Variants in SHISA9 observed in about 807,000 individuals in gnomAD.
SHISA9 encodes the protein shisa family member 9.
SHISA9 carries 13 observed loss-of-function variants against 38.0 expected under a neutral mutation model. That is an observed-to-expected ratio of 0.34 (90% CI 0.22 to 0.54). The LOEUF (loss-of-function observed/expected upper bound fraction) is 0.54, where lower values mean the gene tolerates loss of function less well. SHISA9 is among the 20% of genes least tolerant of loss of function. The pLI is 0.91. For missense variants in SHISA9, 538 were observed against 575.8 expected (o/e 0.93, Z 0.67); for synonymous variants, 275 against 242.0 (o/e 1.14, Z -1.27).
chr16:13,106,705 C>A (rs2073928560), intron 2 of SHISA9, among the ~76,000 whole-genome samples: 1 of 152,032 alleles, frequency 6.6e-6, no homozygotes, highest in Admixed American at 6.6e-5. Flanking sequence ...CCTGGATGAG[C>A]CAATCTGTGC....
the SHISA9 span, among the ~76,000 whole-genome samples, chr16:13,512,403 C>A: frequency 1.3e-5 from 2 of 152,076 alleles, no homozygotes; most frequent in Non-Finnish European, 2.9e-5. Context: ...TAGATAGAAT[C>A]AATATCGTGA....
At chr16:13,198,080 G>T (rs1365671207) in intron 2 of SHISA9, among the ~76,000 whole-genome samples, 1 of 152,134 alleles carries the variant, frequency 6.6e-6, no homozygotes, top group African/African-American at 2.4e-5. Flanking sequence ...AGCTACTTGG[G>T]AGGCTGAGGC....
At chr16:13,167,948 A>G (rs988479827) in intron 2 of SHISA9, among the ~76,000 whole-genome samples, 4 of 151,888 alleles carry the variant, frequency 2.6e-5, no homozygotes, top group African/African-American at 9.7e-5. Flanking sequence ...AGGTCTTATT[A>G]CTCTTTCCAT....
At chr16:12,978,281 T>C (rs980222588) in intron 2 of SHISA9, among the ~76,000 whole-genome samples, 1 of 152,232 alleles carries the variant, frequency 6.6e-6, no homozygotes, top group African/African-American at 2.4e-5. Context: ...GAAATGAGCA[T>C]GACTTCTAGT....
intron 2 of SHISA9, among the ~76,000 whole-genome samples, chr16:13,025,454 C>T (rs903804664): frequency 6.6e-6 from 1 of 152,224 alleles, no homozygotes; most frequent in African/African-American, 2.4e-5. Context: ...TTTGGAGGAA[C>T]TCCTGGATCC....
the SHISA9 span, among the ~76,000 whole-genome samples, chr16:13,280,109 CTCTT>C: frequency 7.6e-6 from 1 of 131,076 alleles, no homozygotes; most frequent in Non-Finnish European, 1.6e-5. Flanking sequence ...TATCTTCTCT[CTCTT>C]TCTCTTTTTT....
intron 2 of SHISA9, among the ~76,000 whole-genome samples, chr16:13,035,534 A>G (rs1376853724): frequency 4.8e-5 from 3 of 62,682 alleles, no homozygotes; most frequent in East Asian, 3.1e-4. Context: ...TGTAATTTTC[A>G]GCTTTTTTTT....
chr16:13,001,569 A>T (rs1450901167), intron 2 of SHISA9, among the ~76,000 whole-genome samples: 1 of 152,236 alleles, frequency 6.6e-6, no homozygotes, highest in Non-Finnish European at 1.5e-5. Context: ...ACGGGGATGC[A>T]GATTGACTGA....
intron 2 of SHISA9, among the ~76,000 whole-genome samples, chr16:13,153,025 G>A (rs2050513090): frequency 6.6e-6 from 1 of 152,150 alleles, no homozygotes; most frequent in Admixed American, 6.5e-5. Context: ...ATCTGAGTAT[G>A]AGAGGGGGCT....
intron 2 of SHISA9, among the ~76,000 whole-genome samples, chr16:13,114,753 A>G (rs2074014226): frequency 6.6e-6 from 1 of 152,084 alleles, no homozygotes; most frequent in South Asian, 2.1e-4. Context: ...TTTTACATAT[A>G]GATTTATGTG....
chr16:13,178,469 C>T (rs1248238313), intron 2 of SHISA9, among the ~76,000 whole-genome samples: 6 of 152,150 alleles, frequency 3.9e-5, no homozygotes, highest in African/African-American at 1.4e-4. Context: ...TCCAATCACT[C>T]TCCAAGCTCC....
At chr16:12,927,511 A>C (rs1171653417) in intron 2 of SHISA9, among the ~76,000 whole-genome samples, 3 of 151,470 alleles carry the variant, frequency 2.0e-5, no homozygotes, top group Non-Finnish European at 4.4e-5. Flanking sequence ...TGATCTGCCC[A>C]CCTCAACCTC....
the SHISA9 span, among the ~76,000 whole-genome samples, chr16:13,267,387 G>T: frequency 6.6e-6 from 1 of 152,146 alleles, no homozygotes; most frequent in Admixed American, 6.5e-5. Flanking sequence ...CAAAAAATGA[G>T]ACTACCCAAA....
intron 2 of SHISA9, among the ~76,000 whole-genome samples, chr16:13,005,102 G>T (rs1051275147): frequency 6.6e-6 from 1 of 152,088 alleles, no homozygotes; most frequent in Non-Finnish European, 1.5e-5. Flanking sequence ...CCCTTGGAGA[G>T]GAGGTGCCAT....
intron 2 of SHISA9, among the ~76,000 whole-genome samples, chr16:12,974,875 ATATT>A (rs2072135788): frequency 6.6e-6 from 1 of 152,118 alleles, no homozygotes; most frequent in Admixed American, 6.5e-5. Context: ...CTATAACTCT[ATATT>A]TATCTGCATT....
rs565461301 is a variant in SHISA9, at chr16:12,916,803, A to T, written c.679A>T (p.Ile227Leu). Residue 227 changes from isoleucine to leucine, a missense_variant, in exon 2 of 5, where the codon ATA becomes TTA. This residue lies in a region of SHISA9 where 326 missense variants were observed against 305.9 expected (regional missense o/e 1.07). Coordinates refer to ENST00000558583, the MANE Select transcript of SHISA9 (RefSeq NM_001145204.3). ...TGAGAACATGGACACGAGAACCCCC[A>T]TAAATAATCTTCGTAAGTACAGCTG... Reference protein sequence around the residue: ...HYENMDTRTPINNLHATQMNN... With the variant: ...HYENMDTRTPLNNLHATQMNN... 6.4e-7 allele frequency: 1 copy of T among 1,551,764 alleles called. No homozygotes were observed.
the SHISA9 span, among the ~76,000 whole-genome samples, chr16:13,319,433 AG>A: frequency 6.6e-6 from 1 of 152,232 alleles, no homozygotes; most frequent in African/African-American, 2.4e-5. Flanking sequence ...TAGTCGTCAA[AG>A]TGACACTACG....
the SHISA9 span, among the ~76,000 whole-genome samples, chr16:13,462,964 A>AAAATAAAT: frequency 9.5e-3 from 1,423 of 150,050 alleles, 49 homozygotes; most frequent in Admixed American, 0.068. Flanking sequence ...TCCATCTTAA[A>AAAATAAAT]AAATAAATAA....
At chr16:12,968,189 CAAAAAAAAAAAAAAAAAAAAAAA>C (rs200194973) in intron 2 of SHISA9, among the ~76,000 whole-genome samples, 4,213 of 82,086 alleles carry the variant, frequency 0.051, 279 homozygotes, top group African/African-American at 0.19. Flanking sequence ...GGCTCCATCT[CAAAAAAAAAAAAAAAAAAAAAAA>C]AAAAAAAAAA....
Sources: gnomAD v4.1 joint callset for allele counts (sites outside exome capture counted in the v4.1 genomes callset) on GRCh38, gnomAD v4.1.1 for gene constraint, gnomAD v4.1.1 regional missense constraint, MANE v1.5 for transcripts, NCBI Gene and HGNC (gene_info 2026-07-23, HGNC 2026-07-21) for gene names.